BBX: variants seen among roughly 807,000 people sequenced by gnomAD.
BBX encodes BBX high mobility group box domain containing, also known as HMG box transcription factor BBX.
Under a neutral mutation model 100.2 loss-of-function variants are expected in BBX, and 30 were observed. The ratio of observed to expected loss-of-function variants is 0.30; its 90% CI spans 0.22 to 0.41. The LOEUF (loss-of-function observed/expected upper bound fraction) is 0.41, where lower values mean the gene tolerates loss of function less well. BBX is among the 10% of genes least tolerant of loss of function. BBX has a pLI of 1.00. For missense variants in BBX, 1,023 were observed against 1,129.8 expected, an observed-to-expected ratio of 0.91 and a Z score of 1.35; for synonymous variants, 376 against 388.1, an observed-to-expected ratio of 0.97 and a Z score of 0.37.
In BBX at chr3:107,772,751, A is replaced by G; in HGVS notation, c.1030A>G (p.Lys344Glu). The change falls in exon 11 of 18, where the codon AAA becomes GAA. Residue 344 changes from lysine (K) to glutamate (E), a missense_variant. By Grantham distance (56) the Lys-to-Glu change is moderately conservative (BLOSUM62 1). This residue lies in a region of BBX where 348 missense variants were observed against 353.2 expected (regional missense o/e 0.99). Transcript: ENST00000325805. The part of the protein sequence containing the change: ...GKEEKEIKME[K>E]TDETRLQKEA... Reference sequence around the variant, plus strand: ...GGAAGAAAAAGAAATTAAAATGGAGAAAACAGATGAAACTAGGTTACAGAA... The same window carrying G: ...GGAAGAAAAAGAAATTAAAATGGAGGAAACAGATGAAACTAGGTTACAGAA... The G allele has an allele frequency of 6.2e-7, 1 of 1,612,884 alleles. No homozygotes were observed. The highest frequency in any genetic ancestry group is 8.5e-7 in the Non-Finnish European group (1 of 1,179,756).
intron 5 of BBX, among the ~76,000 whole-genome samples, chr3:107,723,056 A>G (rs576581626): frequency 3.3e-5 from 5 of 152,062 alleles, no homozygotes; most frequent in African/African-American, 9.7e-5. Flanking sequence ...AAAAAATCCA[A>G]TAATTTTCTA....
At chr3:107,793,710 G>A (rs1017236039) in intron 15 of BBX, among the ~76,000 whole-genome samples, 5 of 152,138 alleles carry the variant, frequency 3.3e-5, no homozygotes, top group African/African-American at 1.2e-4. Flanking sequence ...GACAGGCATT[G>A]TTTGTAGCTG....
chr3:107,798,817 T>C, intron 16 of BBX, 97 bp downstream of exon 16: 1 of 986,772 alleles, frequency 1.0e-6, no homozygotes, highest in Non-Finnish European at 1.5e-6. Flanking sequence ...TGAAATACAC[T>C]AACAATAGCC....
Position 107,773,088 on chromosome 3 carries a change from A to G in BBX, c.1367A>G (p.Lys456Arg). 1 of 1,613,152 alleles carries G rather than the reference A, an allele frequency of 6.2e-7. No homozygotes were observed. The highest frequency in any genetic ancestry group is 8.5e-7 in the Non-Finnish European group (1 of 1,179,808). The change falls in exon 11 of 18, where the codon AAA becomes AGA. Residue 456 changes from lysine (K) to arginine (R), a missense_variant. Around this residue, in one of 9 missense-constraint regions of BBX, gnomAD observed 348 missense variants for 353.2 expected, o/e 0.99. Transcript: ENST00000325805. The surrounding 1 kb of genome is among the most constrained non-coding windows in gnomAD (Gnocchi z 4.1). Reference sequence around the variant, plus strand: ...GAAAAGCTAAAAAAGAAAAAGAAGAAAAGCAAAATGGATCGACATGGAAAT... The same window carrying G: ...GAAAAGCTAAAAAAGAAAAAGAAGAGAAGCAAAATGGATCGACATGGAAAT... Reference protein sequence around the residue: ...KPEKLKKKKKKSKMDRHGNDK... With the variant: ...KPEKLKKKKKRSKMDRHGNDK...
At chr3:107,680,264 G>C (rs1238034036) in intron 3 of BBX, among the ~76,000 whole-genome samples, 1 of 152,102 alleles carries the variant, frequency 6.6e-6, no homozygotes, top group Admixed American at 6.6e-5. Flanking sequence ...GAACACATCT[G>C]GCTTCCCTGT....
intron 6 of BBX, among the ~76,000 whole-genome samples, chr3:107,730,635 C>T (rs764703635): frequency 4.6e-5 from 7 of 152,028 alleles, no homozygotes; most frequent in Non-Finnish European, 8.8e-5. Context: ...AATTGAAAGT[C>T]GAACCCACAC....
chr3:107,686,459 A>G (rs770657018), intron 3 of BBX, among the ~76,000 whole-genome samples: 17 of 151,076 alleles, frequency 1.1e-4, no homozygotes, highest in African/African-American at 3.7e-4. Flanking sequence ...GTGAATTTCT[A>G]AGACTATAAA....
intron 10 of BBX, among the ~76,000 whole-genome samples, chr3:107,762,728 T>G (rs1023144056): frequency 6.6e-6 from 1 of 152,248 alleles, no homozygotes; most frequent in East Asian, 1.9e-4. Context: ...CTGCCTTGTT[T>G]TTAATCTGGC....
chr3:107,751,755 A>C (rs2065096170), intron 9 of BBX, among the ~76,000 whole-genome samples: 1 of 149,114 alleles, frequency 6.7e-6, no homozygotes, highest in South Asian at 2.1e-4. Flanking sequence ...ACAGTTTCTC[A>C]CTCACCACCC....
chr3:107,805,067 CT>C (rs755826561), intron 17 of BBX, among the ~76,000 whole-genome samples: 34 of 152,086 alleles, frequency 2.2e-4, no homozygotes, highest in Non-Finnish European at 4.4e-4. Context: ...AAAATTTCAT[CT>C]CTTCAAAATG....
chr3:107,543,436 TA>T (rs991326805), intron 2 of BBX, among the ~76,000 whole-genome samples: 1 of 152,208 alleles, frequency 6.6e-6, no homozygotes, highest in Admixed American at 6.5e-5. Flanking sequence ...TATAAATGGT[TA>T]AAAAATTAAA....
chr3:107,582,451 G>T (rs1345632354), intron 2 of BBX, among the ~76,000 whole-genome samples: 1 of 152,016 alleles, frequency 6.6e-6, no homozygotes, highest in Non-Finnish European at 1.5e-5. Flanking sequence ...TCTGTCAGTT[G>T]TCATCTTTGA....
intron 3 of BBX, among the ~76,000 whole-genome samples, chr3:107,696,312 G>A (rs2060594706): frequency 6.6e-6 from 1 of 151,704 alleles, no homozygotes; most frequent in Non-Finnish European, 1.5e-5. Context: ...TTACATTTTG[G>A]CATGATTTTG....
chr3:107,801,311 A>G lies in BBX; in HGVS notation c.2738+30A>G, dbSNP rs1376600380. On this transcript the variant is annotated intron_variant, in intron 17 of 17. Coordinates refer to ENST00000325805, the MANE Select transcript of BBX (RefSeq NM_001142568.3). ...GTGGTAGAAGGTGGAAGGAGAAAGC[A>G]ACATGGAAACCAGATCAACCTCTTT... 1.2e-6 allele frequency: 2 copies of G among 1,602,500 alleles called. 1 individual carries two copies. The highest frequency in any genetic ancestry group is 2.2e-5 in the South Asian group (2 of 89,256).
At chr3:107,703,372 C>T (rs974829415) in intron 3 of BBX, among the ~76,000 whole-genome samples, 4 of 152,174 alleles carry the variant, frequency 2.6e-5, no homozygotes, top group African/African-American at 7.2e-5. Flanking sequence ...TGCCTTGTCT[C>T]TTTCAAGGTA....
chr3:107,772,964 A>G lies in BBX; in HGVS notation c.1243A>G (p.Ser415Gly). ...HFPDFSYSAS[S>G]KIIISDVPSR... ...TCCTGATTTTTCTTATTCTGCCAGTAGCAAGATAATAATTAGTGATGTTCC... is the reference window on the plus strand; with the variant it reads ...TCCTGATTTTTCTTATTCTGCCAGTGGCAAGATAATAATTAGTGATGTTCC... The change falls in exon 11 of 18, where the codon AGC becomes GGC. Residue 415 changes from serine to glycine, a missense_variant. Ser to Gly is a moderately conservative substitution (Grantham distance 56). Coordinates refer to ENST00000325805, the MANE Select transcript of BBX (RefSeq NM_001142568.3). 6.2e-7 allele frequency: 1 copy of G among 1,613,392 alleles called. No individual in the cohort carries two copies. The highest frequency in any genetic ancestry group is 8.5e-7 in the Non-Finnish European group (1 of 1,179,842).
intron 5 of BBX, among the ~76,000 whole-genome samples, chr3:107,720,012 C>CT (rs2062412347): frequency 1.3e-5 from 2 of 151,940 alleles, no homozygotes; most frequent in Non-Finnish European, 2.9e-5. Flanking sequence ...CTTTATCATA[C>CT]CCACTGTTTT....
At position 107,696,964 on chromosome 3, in the gene BBX, A is replaced by C. The variant is rs180727355; in HGVS notation, c.-9-13488A>C. Among the ~76,000 whole-genome samples the C allele has an allele frequency of 7.0e-3, 1,067 of 151,638 alleles. 6 individuals carry two copies. The highest frequency in any genetic ancestry group is 0.034 in the Middle Eastern group (10 of 294). ...TCATTCATTTCATCTTCCATCACTG[A>C]TACCCTTTCTTCCATTTGATCGCAT... On this transcript the variant is annotated intron_variant, in intron 3 of 17. Coordinates refer to ENST00000325805, the MANE Select transcript of BBX (RefSeq NM_001142568.3).
chr3:107,623,644 C>T (rs1173482735), intron 2 of BBX, among the ~76,000 whole-genome samples: 1 of 151,970 alleles, frequency 6.6e-6, no homozygotes, highest in Non-Finnish European at 1.5e-5. Flanking sequence ...AATTTGGAGA[C>T]CCTCTTTAAG....
Sources: gnomAD v4.1 joint callset for allele counts (sites outside exome capture counted in the v4.1 genomes callset) on GRCh38, gnomAD v4.1.1 for gene constraint, gnomAD v4.1.1 regional missense constraint, Gnocchi (gnomAD v3.1) non-coding constraint, MANE v1.5 for transcripts, NCBI Gene and HGNC (gene_info 2026-07-23, HGNC 2026-07-21) for gene names.